The following ZZZ3 variants were observed in gnomAD, a reference collection of about 807,000 sequenced individuals.
ZZZ3 encodes the protein zinc finger ZZ-type containing 3.
A neutral mutation model predicts 95.2 loss-of-function variants in ZZZ3; 22 were observed. That is an observed-to-expected ratio of 0.23 (90% confidence interval 0.17 to 0.33). ZZZ3 has a LOEUF of 0.33. Ranked by LOEUF, ZZZ3 falls within the 10% of genes least tolerant of loss-of-function variation. The pLI, the probability that ZZZ3 is intolerant of heterozygous loss-of-function variation, is 1.00. For missense variants in ZZZ3, 885 were observed against 1,066.5 expected, an observed-to-expected ratio of 0.83 and a Z score of 2.37; for synonymous variants, 335 against 358.9, an observed-to-expected ratio of 0.93 and a Z score of 0.75.
chr1:77,674,011 A>G (rs1464901129), intron 1 of ZZZ3, among the ~76,000 whole-genome samples: 1 of 8,486 alleles, frequency 1.2e-4, no homozygotes, highest in Non-Finnish European at 2.2e-4. Flanking sequence ...TTTAAGTAGG[A>G]AAAAAAAAAA....
intron 1 of ZZZ3, among the ~76,000 whole-genome samples, chr1:77,646,486 G>C (rs775357751): frequency 4.6e-5 from 7 of 152,172 alleles, no homozygotes; most frequent in Non-Finnish European, 7.3e-5. Context: ...GCCTCACAAA[G>C]TGCTGGGATT....
chr1:77,659,314 T>C (rs921912187), intron 1 of ZZZ3, among the ~76,000 whole-genome samples: 11 of 152,326 alleles, frequency 7.2e-5, no homozygotes, highest in African/African-American at 2.4e-4. Flanking sequence ...TTTAGTTTAA[T>C]TCGATTTATT....
At chr1:77,581,169 C>A in intron 8 of ZZZ3, 100 bp from the exon 9 acceptor site, 6 of 943,776 alleles carry the variant, frequency 6.4e-6, no homozygotes, top group Middle Eastern at 2.2e-4. Flanking sequence ...AAATTAATTT[C>A]AAAATATTTG....
chr1:77,589,567 A>G (rs1450847505), intron 5 of ZZZ3, among the ~76,000 whole-genome samples: 1 of 151,892 alleles, frequency 6.6e-6, no homozygotes, highest in Non-Finnish European at 1.5e-5. Flanking sequence ...CCTCCCGAGT[A>G]GCTAGGGCCA....
intron 8 of ZZZ3, among the ~76,000 whole-genome samples, chr1:77,581,489 A>G (rs1324527008): frequency 1.3e-5 from 2 of 152,198 alleles, no homozygotes; most frequent in Non-Finnish European, 2.9e-5. Context: ...GGCACATTGC[A>G]TATACTACCT....
intron 6 of ZZZ3, 133 bp from the exon 7 acceptor site, chr1:77,582,259 C>A: frequency 1.4e-6 from 1 of 695,182 alleles, no homozygotes; most frequent in South Asian, 3.0e-5. Flanking sequence ...ATGTTTAAAT[C>A]CAAGAGACAA....
At chr1:77,625,993 T>C (rs867507820) in intron 5 of ZZZ3, among the ~76,000 whole-genome samples, 6 of 150,878 alleles carry the variant, frequency 4.0e-5, no homozygotes, top group African/African-American at 1.5e-4. Context: ...TGAGACCCTG[T>C]CTCAAAAAAA....
chr1:77,567,491 T>G (rs1345434423), intron 13 of ZZZ3, among the ~76,000 whole-genome samples: 1 of 152,234 alleles, frequency 6.6e-6, no homozygotes, highest in Non-Finnish European at 1.5e-5. Flanking sequence ...CATGTTACTT[T>G]CTGCTTAAAA....
At chr1:77,574,143 G>A (rs368173702) in intron 12 of ZZZ3, among the ~76,000 whole-genome samples, 1 of 147,270 alleles carries the variant, frequency 6.8e-6, no homozygotes, top group East Asian at 1.9e-4. Context: ...TTTACATATA[G>A]ATATATATAG....
At chr1:77,594,098 C>T (rs904023733) in intron 5 of ZZZ3, among the ~76,000 whole-genome samples, 3 of 152,090 alleles carry the variant, frequency 2.0e-5, no homozygotes, top group Non-Finnish European at 4.4e-5. Context: ...CATACAGAAT[C>T]GTATCTGACA....
At chr1:77,589,891 T>G (rs1334302017) in intron 5 of ZZZ3, among the ~76,000 whole-genome samples, 1 of 152,126 alleles carries the variant, frequency 6.6e-6, no homozygotes, top group East Asian at 1.9e-4. Flanking sequence ...GATTTTATAT[T>G]CAACTGCATC....
intron 5 of ZZZ3, 118 bp from the exon 6 acceptor site, chr1:77,584,773 G>T: frequency 1.4e-6 from 1 of 702,002 alleles, no homozygotes; most frequent in Non-Finnish European, 2.1e-6. Flanking sequence ...TTACCTGAAA[G>T]AGTTTAGTAA....
chr1:77,671,009 G>A (rs1235670005), intron 1 of ZZZ3, among the ~76,000 whole-genome samples: 1 of 151,284 alleles, frequency 6.6e-6, no homozygotes, highest in Non-Finnish European at 1.5e-5. Flanking sequence ...TGTTTTTTTG[G>A]GGGGGTGGTG....
chr1:77,647,639 C>T (rs1242040077), intron 1 of ZZZ3, among the ~76,000 whole-genome samples: 3 of 151,916 alleles, frequency 2.0e-5, no homozygotes, highest in East Asian at 1.9e-4. Flanking sequence ...TACCTTTGTT[C>T]GTAATAAGTG....
rs747014762 is a variant in ZZZ3, at chr1:77,581,882, G to A, written c.1802C>T (p.Pro601Leu). ...VKLVFDKVGLPARPKSPLDPK... is the reference protein window; with the variant it reads ...VKLVFDKVGLLARPKSPLDPK... ...ATCTAAAGGACTTTTTGGTCTAGCA[G>A]GTAAACCTACTGAAAAATAAGACCA... Residue 601 changes from proline to leucine, a missense_variant, in exon 8 of 15, where the codon CCT becomes CTT. This residue lies in a region of ZZZ3 where 99 missense variants were observed against 119.8 expected (regional missense o/e 0.83). Transcript: ENST00000370801. 10 of 1,613,136 alleles carry A rather than the reference G, an allele frequency of 6.2e-6. No homozygotes were observed. The East Asian group carries it at 2.2e-4, about 36-fold the overall frequency.
chr1:77,664,305 C>G (rs889817516), intron 1 of ZZZ3, among the ~76,000 whole-genome samples: 2 of 152,152 alleles, frequency 1.3e-5, no homozygotes, highest in African/African-American at 4.8e-5. Context: ...AAGGAGATGA[C>G]TTTCTCCCCT....
chr1:77,584,735 A>G, intron 5 of ZZZ3, 80 bp from the exon 6 acceptor site: 1 of 1,185,454 alleles, frequency 8.4e-7, no homozygotes, highest in Non-Finnish European at 1.1e-6. Context: ...GCCATGATCT[A>G]CTATTAAGTC....
chr1:77,625,540 T>A (rs1667253536), intron 5 of ZZZ3, among the ~76,000 whole-genome samples: 1 of 151,850 alleles, frequency 6.6e-6, no homozygotes, highest in African/African-American at 2.4e-5. Flanking sequence ...GTCACAGAAC[T>A]TAGAAAAGAA....
chr1:77,607,759 T>G (rs1199092962), intron 5 of ZZZ3, among the ~76,000 whole-genome samples: 1 of 151,862 alleles, frequency 6.6e-6, no homozygotes, highest in Admixed American at 6.6e-5. Context: ...TTATCTCTCC[T>G]AAAAATACAA....
Sources: allele counts gnomAD v4.1 joint callset (sites outside exome capture counted in the v4.1 genomes callset), GRCh38; gene constraint gnomAD v4.1.1; regional missense constraint gnomAD v4.1.1; transcripts MANE v1.5; gene names NCBI Gene and HGNC (gene_info 2026-07-23, HGNC 2026-07-21).